GABRB1: variants seen among roughly 807,000 people sequenced by gnomAD.
GABRB1 encodes gamma-aminobutyric acid receptor subunit beta-1.
Under a neutral mutation model 51.6 loss-of-function variants are expected in GABRB1, and 17 were observed. The ratio of observed to expected loss-of-function variants is 0.33; its 90% CI spans 0.23 to 0.49. The LOEUF is 0.49. Ranked by LOEUF, GABRB1 falls within the 20% of genes least tolerant of loss-of-function variation. The probability of loss-of-function intolerance (pLI) is 0.99; values close to 1 mark genes in which losing one functional copy is unlikely to be tolerated. For synonymous variants in GABRB1, 247 were observed against 218.9 expected (o/e 1.13, Z -1.14); for missense variants, 410 against 600.6 (o/e 0.68, Z 3.32).
At chr4:47,402,320 C>A (rs2110050294) in intron 5 of GABRB1, among the ~76,000 whole-genome samples, 1 of 152,226 alleles carries the variant, frequency 6.6e-6, no homozygotes, top group South Asian at 2.1e-4. Context: ...ATGTGGTTAC[C>A]TTTGAAACAC....
chr4:47,317,482 T>G (rs1307573912), intron 4 of GABRB1, among the ~76,000 whole-genome samples: 1 of 151,990 alleles, frequency 6.6e-6, no homozygotes, highest in Non-Finnish European at 1.5e-5. Flanking sequence ...AACTGTATTT[T>G]TAGACAACAA....
intron 4 of GABRB1, among the ~76,000 whole-genome samples, chr4:47,222,641 G>A (rs1046143047): frequency 2.6e-5 from 4 of 152,106 alleles, no homozygotes; most frequent in Non-Finnish European, 5.9e-5. Flanking sequence ...CAAGTTGACT[G>A]CATCCACATA....
chr4:47,216,942 A>T (rs949172787), intron 4 of GABRB1, among the ~76,000 whole-genome samples: 6 of 151,888 alleles, frequency 4.0e-5, no homozygotes, highest in Non-Finnish European at 7.4e-5. Flanking sequence ...AAATTTGCAA[A>T]TAACCTAAAT....
intron 3 of GABRB1, among the ~76,000 whole-genome samples, chr4:47,142,997 A>ACCAT (rs975594286): frequency 6.6e-6 from 1 of 151,874 alleles, no homozygotes; most frequent in Non-Finnish European, 1.5e-5. Flanking sequence ...GATTTCTTTG[A>ACCAT]CCATCCTGCT....
chr4:47,220,491 A>G (rs1320943244), intron 4 of GABRB1, among the ~76,000 whole-genome samples: 2 of 151,984 alleles, frequency 1.3e-5, no homozygotes, highest in Non-Finnish European at 1.5e-5. Flanking sequence ...GTTCCCAAAT[A>G]TATATCCCTG....
chr4:47,042,247 C>T (rs931808365), intron 3 of GABRB1, among the ~76,000 whole-genome samples: 2 of 150,980 alleles, frequency 1.3e-5, no homozygotes, highest in Non-Finnish European at 3.0e-5. Context: ...ATCAAGTCTA[C>T]CTTATACTTT....
In GABRB1 at chr4:47,241,404, C is replaced by T. The variant is rs1158835114; in HGVS notation, c.462-78723C>T. Among the ~76,000 whole-genome samples, 3 of 152,236 alleles carry T rather than the reference C, an allele frequency of 2.0e-5. No homozygotes were observed. In the East Asian group the frequency reaches 5.8e-4, roughly 29 times the overall value. On this transcript the variant is annotated intron_variant, in intron 4 of 8. Transcript: ENST00000295454. Reference sequence around the variant, plus strand: ...GCACTGACTAACAAGAGGCCCTTGTCATATGACTGAGGAAGACCACAAATG... The same window carrying T: ...GCACTGACTAACAAGAGGCCCTTGTTATATGACTGAGGAAGACCACAAATG...
intron 4 of GABRB1, among the ~76,000 whole-genome samples, chr4:47,269,935 T>TACACACACACACACACACAC (rs10639386): frequency 9.6e-5 from 13 of 136,056 alleles, no homozygotes; most frequent in African/African-American, 3.1e-4. Flanking sequence ...CAACTCTCCC[T>TACACACACACACACACACAC]ACACACACAC....
intron 4 of GABRB1, among the ~76,000 whole-genome samples, chr4:47,230,487 T>C (rs933989791): frequency 1.3e-5 from 2 of 152,146 alleles, no homozygotes; most frequent in African/African-American, 4.8e-5. Flanking sequence ...GGACACCCAG[T>C]GGCCCCCTTG....
chr4:46,997,450 T>A (rs1313133644), intron 1 of GABRB1, among the ~76,000 whole-genome samples: 1 of 150,524 alleles, frequency 6.6e-6, no homozygotes, highest in Non-Finnish European at 1.5e-5. Context: ...ATAATAACTT[T>A]CTTATACATA....
intron 3 of GABRB1, among the ~76,000 whole-genome samples, chr4:47,103,559 C>A (rs1040721993): frequency 2.0e-5 from 3 of 151,880 alleles, no homozygotes; most frequent in Non-Finnish European, 4.4e-5. Context: ...TGTCTTTCTG[C>A]AGTATTGTAT....
intron 4 of GABRB1, among the ~76,000 whole-genome samples, chr4:47,162,039 A>G (rs1449453394): frequency 6.6e-6 from 1 of 152,078 alleles, no homozygotes; most frequent in Non-Finnish European, 1.5e-5. Flanking sequence ...GCACAGTAAA[A>G]TAACATCAAT....
intron 5 of GABRB1, among the ~76,000 whole-genome samples, chr4:47,327,919 T>G (rs1273566653): frequency 6.6e-6 from 1 of 152,206 alleles, no homozygotes; most frequent in Non-Finnish European, 1.5e-5. Context: ...TAGTTTACAG[T>G]CCCACCAACA....
intron 8 of GABRB1, among the ~76,000 whole-genome samples, chr4:47,421,986 A>T (rs1729105040): frequency 6.6e-6 from 1 of 152,048 alleles, no homozygotes; most frequent in Admixed American, 6.6e-5. Context: ...GGTCCTCATC[A>T]CTTCAACCCT....
At chr4:47,215,018 AC>A in intron 4 of GABRB1, among the ~76,000 whole-genome samples, 1 of 152,118 alleles carries the variant, frequency 6.6e-6, no homozygotes, top group East Asian at 1.9e-4. Context: ...TTGGGATGTA[AC>A]CCCACCTTCA....
chr4:47,329,484 A>G (rs1264188869), intron 5 of GABRB1, among the ~76,000 whole-genome samples: 1 of 148,934 alleles, frequency 6.7e-6, no homozygotes, highest in East Asian at 1.9e-4. Context: ...TAGCATATAT[A>G]AAGAATATAG....
At chr4:47,360,256 C>G (rs1173874240) in intron 5 of GABRB1, among the ~76,000 whole-genome samples, 1 of 151,638 alleles carries the variant, frequency 6.6e-6, no homozygotes, top group African/African-American at 2.4e-5. Flanking sequence ...TTGAAGAATA[C>G]AGAGAGTAGG....
intron 3 of GABRB1, among the ~76,000 whole-genome samples, chr4:47,134,148 G>T (rs1200215354): frequency 6.6e-6 from 1 of 152,146 alleles, no homozygotes; most frequent in Admixed American, 6.5e-5. Context: ...TTTCCATTTA[G>T]TAATTTAGGA....
At chr4:47,135,327 T>C (rs1302164924) in intron 3 of GABRB1, among the ~76,000 whole-genome samples, 1 of 152,024 alleles carries the variant, frequency 6.6e-6, no homozygotes, top group Non-Finnish European at 1.5e-5. Context: ...GATAAGAGGA[T>C]ATAAAGATCA....
Sources: gnomAD v4.1 joint callset for allele counts (sites outside exome capture counted in the v4.1 genomes callset) on GRCh38, gnomAD v4.1.1 for gene constraint, MANE v1.5 for transcripts, NCBI Gene and HGNC (gene_info 2026-07-23, HGNC 2026-07-21) for gene names.